CLEC4A: variants seen among roughly 807,000 people sequenced by gnomAD.
CLEC4A encodes the protein C-type lectin domain family 4 member A.
In CLEC4A, 27 loss-of-function variants were observed where a neutral mutation model predicts 32.7. That is an observed-to-expected ratio of 0.83 (90% confidence interval 0.61 to 1.14). CLEC4A has a LOEUF of 1.14. CLEC4A is among the 50% of genes most tolerant of loss of function. The probability of loss-of-function intolerance (pLI) is 0.00; values close to 1 mark genes in which losing one functional copy is unlikely to be tolerated. For missense variants in CLEC4A, 253 were observed against 274.6 expected, an observed-to-expected ratio of 0.92 and a Z score of 0.55; for synonymous variants, 89 against 93.7, an observed-to-expected ratio of 0.95 and a Z score of 0.29.
At chr12:8,136,473 G>A (rs1452656068) in intron 4 of CLEC4A, among the ~76,000 whole-genome samples, 2 of 150,554 alleles carry the variant, frequency 1.3e-5, no homozygotes, top group African/African-American at 4.9e-5. Context: ...GCTGAGGCAT[G>A]AGAATCGCTT....
At chr12:8,114,569 A>G in the CLEC4A span, among the ~76,000 whole-genome samples, 2 of 152,208 alleles carry the variant, frequency 1.3e-5, no homozygotes, top group Admixed American at 6.5e-5. Context: ...GATGGAACAA[A>G]ATATTGTAGA....
At chr12:8,115,989 G>T in the CLEC4A span, among the ~76,000 whole-genome samples, 11 of 151,808 alleles carry the variant, frequency 7.2e-5, no homozygotes, top group Non-Finnish European at 4.4e-5. Context: ...TTGAGACAGG[G>T]TCTCACTCTG....
At chr12:8,119,573 T>TA (rs937035579), upstream of CLEC4A, among the ~76,000 whole-genome samples, 3 of 152,168 alleles carry the variant, frequency 2.0e-5, no homozygotes, top group African/African-American at 7.2e-5. Context: ...TATCAAACAG[T>TA]AAAAAATCTT....
intron 3 of CLEC4A, among the ~76,000 whole-genome samples, 159 bp from the exon 4 acceptor site, chr12:8,135,426 T>C (rs747502039): frequency 1.3e-5 from 2 of 152,132 alleles, no homozygotes; most frequent in Non-Finnish European, 2.9e-5. Context: ...TAGACTTGGC[T>C]TCCTTGACAC....
At chr12:8,103,373 GTTGTTTTT>G in the CLEC4A span, among the ~76,000 whole-genome samples, 20 of 78,022 alleles carry the variant, frequency 2.6e-4, 4 homozygotes, top group African/African-American at 5.5e-4. Context: ...GTTTCTTTCT[GTTGTTTTT>G]TTTTTTTTTT....
Position 8,127,858 on chromosome 12 carries a change from G to A in CLEC4A, c.200-1406G>A, listed in dbSNP as rs754023646. ...AGAAATCATTAAGTTTTTCAAAGAGGTAGACAATATAGGATCAGTAGCAGG... is the reference window on the plus strand; with the variant it reads ...AGAAATCATTAAGTTTTTCAAAGAGATAGACAATATAGGATCAGTAGCAGG... On this transcript the variant is annotated intron_variant, in intron 2 of 5. Transcript: ENST00000229332. 2.6e-5 allele frequency among the ~76,000 whole-genome samples: 4 copies of A among 152,308 alleles called. No homozygotes were observed. In the East Asian group the frequency reaches 5.8e-4, roughly 22 times the overall value.
At chr12:8,130,504 TG>T (rs1216568717) in intron 3 of CLEC4A, among the ~76,000 whole-genome samples, 3 of 151,980 alleles carry the variant, frequency 2.0e-5, no homozygotes, top group Non-Finnish European at 4.4e-5. Context: ...TCCCAGTAGC[TG>T]GGATCAAAGG....
the CLEC4A span, among the ~76,000 whole-genome samples, chr12:8,104,092 ATTT>A: frequency 6.6e-6 from 1 of 151,750 alleles, no homozygotes; most frequent in East Asian, 1.9e-4. Flanking sequence ...TATTTTACTC[ATTT>A]TCATTTGGGT....
At chr12:8,110,209 TCTTA>T in the CLEC4A span, among the ~76,000 whole-genome samples, 2 of 152,118 alleles carry the variant, frequency 1.3e-5, no homozygotes, top group Non-Finnish European at 2.9e-5. Flanking sequence ...CCCCTGGGAT[TCTTA>T]CTTCTGGGAT....
At chr12:8,117,782 C>T in the CLEC4A span, among the ~76,000 whole-genome samples, 8 of 152,126 alleles carry the variant, frequency 5.3e-5, no homozygotes, top group African/African-American at 1.4e-4. Context: ...CCTGGATTTG[C>T]AGCTGTTGTA....
chr12:8,106,723 T>A, the CLEC4A span, among the ~76,000 whole-genome samples: 2 of 152,314 alleles, frequency 1.3e-5, no homozygotes, highest in African/African-American at 4.8e-5. Flanking sequence ...TGTACACTGA[T>A]TTTCTATCTT....
At chr12:8,119,076 TAAC>T (rs1254593541), upstream of CLEC4A, among the ~76,000 whole-genome samples, 2 of 152,234 alleles carry the variant, frequency 1.3e-5, no homozygotes, top group African/African-American at 4.8e-5. Context: ...ATTTTGTTGT[TAAC>T]AACACTAATG....
chr12:8,114,163 A>G, the CLEC4A span, among the ~76,000 whole-genome samples: 2 of 152,226 alleles, frequency 1.3e-5, no homozygotes, highest in African/African-American at 4.8e-5. Flanking sequence ...ACGGTGCTCA[A>G]ATTGCCCTAA....
rs556827600 is a variant in CLEC4A at position 8,132,627 on chromosome 12, C to T, written c.299-2958C>T. 1.1e-4 allele frequency among the ~76,000 whole-genome samples: 17 copies of T among 152,188 alleles called. No homozygotes were observed. In the South Asian group the frequency reaches 2.9e-3, roughly 26 times the overall value. ...ATGGGTATTCTGTTGTTGGGTGGAG[C>T]GTTCTATAAATGTGGATTGGATCCT... On this transcript the variant is annotated intron_variant, in intron 3 of 5. Coordinates refer to ENST00000229332, the MANE Select transcript of CLEC4A (RefSeq NM_016184.4).
chr12:8,134,155 C>T, intron 3 of CLEC4A: 2 of 1,607,914 alleles, frequency 1.2e-6, no homozygotes, highest in Non-Finnish European at 1.7e-6. Flanking sequence ...TACTGGTTCG[C>T]TTTCTCTTTC....
At chr12:8,134,992 TTTTAATCATGGCTGC>T in intron 3 of CLEC4A, 3 of 267,938 alleles carry the variant, frequency 1.1e-5, no homozygotes, top group Non-Finnish European at 1.8e-5. Context: ...TTTTGTTTTT[TTTTAATCATGGCTGC>T]TTTTAAATCT....
the CLEC4A span, among the ~76,000 whole-genome samples, chr12:8,111,940 T>G: frequency 1.9e-4 from 28 of 147,580 alleles, no homozygotes; most frequent in South Asian, 1.5e-3. Flanking sequence ...TGTGTGTGTG[T>G]GTGTGTGTGT....
chr12:8,135,052 T>TG (rs1948088461), intron 3 of CLEC4A, among the ~76,000 whole-genome samples: 1 of 72,056 alleles, frequency 1.4e-5, no homozygotes, highest in African/African-American at 4.6e-5. Context: ...ATTATCTTTT[T>TG]TTTTTTTTTT....
Position 8,138,276 on chromosome 12 carries a change from A to T in CLEC4A, c.703A>T (p.Ile235Phe). The T allele has an allele frequency of 1.9e-6, 3 of 1,614,126 alleles. No homozygotes were observed. Among genetic ancestry groups the T allele is most frequent in the Non-Finnish European group, 2.5e-6 (3 of 1,180,014 alleles). The change falls in exon 6 of 6, where the codon ATC (isoleucine) becomes TTC (phenylalanine). Residue 235 changes from isoleucine to phenylalanine, a missense_variant. Ile to Phe is a conservative substitution (Grantham distance 21). Transcript: ENST00000229332. ...AAGGTCAGTTTGTGAGATGATGAAG[A>T]TCCACTTATGAACTGAACATTCTCC... Reference protein sequence around the residue: ...PQRSVCEMMKIHL With the variant: ...PQRSVCEMMKFHL
Sources: allele counts gnomAD v4.1 joint callset (sites outside exome capture counted in the v4.1 genomes callset), GRCh38; gene constraint gnomAD v4.1.1; transcripts MANE v1.5; gene names NCBI Gene and HGNC (gene_info 2026-07-23, HGNC 2026-07-21).